Variants in ELP2 observed in about 807,000 individuals in gnomAD.
The protein encoded by ELP2 is elongator complex protein 2.
In ELP2, 90 loss-of-function variants were observed where a neutral mutation model predicts 119.2. That is an observed-to-expected ratio of 0.75 (90% CI 0.64 to 0.90). ELP2 has a LOEUF of 0.90. Among genes scored for constraint, ELP2 ranks in the 40% least tolerant of loss-of-function variants. The pLI is 0.00. For missense variants in ELP2, 921 were observed against 967.8 expected, an observed-to-expected ratio of 0.95 and a Z score of 0.64; for synonymous variants, 339 against 331.0, an observed-to-expected ratio of 1.02 and a Z score of -0.26.
chr18:36,164,674 C>T lies in ELP2; in HGVS notation c.1954+7C>T, dbSNP rs772976974. ...ACAATCTCACCTGAGTTCGGTAAAA[C>T]AGCTTCTGATTGGGAAAGTTATTAG... On this transcript the variant is annotated splice_region_variant and intron_variant, in intron 18 of 21. Coordinates refer to ENST00000358232, the MANE Select transcript of ELP2 (RefSeq NM_018255.4). 9.9e-6 allele frequency: 16 copies of T among 1,613,636 alleles called. No individual in the cohort carries two copies. Among genetic ancestry groups the T allele is most frequent in the Non-Finnish European group, 1.4e-5 (16 of 1,179,640 alleles).
intron 19 of ELP2, among the ~76,000 whole-genome samples, chr18:36,168,617 C>T (rs2090975188): frequency 6.6e-6 from 1 of 152,150 alleles, no homozygotes; most frequent in South Asian, 2.1e-4. Flanking sequence ...ATGGAGGTAA[C>T]CGCCCCCATG....
chr18:36,148,426 T>C (rs2144669329), intron 11 of ELP2, among the ~76,000 whole-genome samples: 1 of 152,250 alleles, frequency 6.6e-6, no homozygotes, highest in East Asian at 1.9e-4. Context: ...GGCCTGACCC[T>C]GAAGCCTAAT....
chr18:36,171,070 A>C lies in ELP2; in HGVS notation c.2234A>C (p.Glu745Ala). 3 of 1,613,592 alleles carry C rather than the reference A, an allele frequency of 1.9e-6. No individual in the cohort carries two copies. The highest frequency in any genetic ancestry group is 2.5e-6 in the Non-Finnish European group (3 of 1,179,450). The stretch of plus-strand genomic sequence containing the variant: ...AGATACGTGGTTGCAGTAGGATTGG[A>C]GTGTGGAAAGATTTGCTTATATACC... ...SQRYVVAVGL[E>A]CGKICLYTWK... Residue 745 changes from glutamate to alanine, a missense_variant, in exon 21 of 22, where the codon GAG becomes GCG. By Grantham distance (107) the Glu-to-Ala change is moderately radical (BLOSUM62 -1). Coordinates refer to ENST00000358232, the MANE Select transcript of ELP2 (RefSeq NM_018255.4).
intron 21 of ELP2, among the ~76,000 whole-genome samples, chr18:36,173,530 T>C (rs1205707096): frequency 6.6e-6 from 1 of 152,184 alleles, no homozygotes; most frequent in Non-Finnish European, 1.5e-5. Context: ...TATGGAAGCA[T>C]TTTCTCTAGA....
At chr18:36,138,726 A>C (rs1348078008) in intron 4 of ELP2, 69 bp from the exon 5 acceptor site, 5 of 1,300,800 alleles carry the variant, frequency 3.8e-6, no homozygotes, top group African/African-American at 1.5e-5. Flanking sequence ...TGATGATGCT[A>C]TCCAACCTGT....
chr18:36,173,000 C>T (rs2091128741), intron 21 of ELP2, among the ~76,000 whole-genome samples: 1 of 152,106 alleles, frequency 6.6e-6, no homozygotes, highest in South Asian at 2.1e-4. Context: ...CAAACACTAC[C>T]CTTTAGGTTG....
At chr18:36,134,828 A>G (rs1233055375) in intron 2 of ELP2, among the ~76,000 whole-genome samples, 1 of 152,198 alleles carries the variant, frequency 6.6e-6, no homozygotes, top group East Asian at 1.9e-4. Context: ...TATCTTAAAT[A>G]TATCTACTGT....
intron 8 of ELP2, 99 bp from the exon 9 acceptor site, chr18:36,144,840 A>T: frequency 2.1e-6 from 2 of 967,638 alleles, no homozygotes; most frequent in East Asian, 2.5e-5. Context: ...TTTTGTCCTA[A>T]TTTTTTTTTC....
chr18:36,173,827 T>C (rs1274144588), intron 21 of ELP2, among the ~76,000 whole-genome samples: 1 of 152,224 alleles, frequency 6.6e-6, no homozygotes, highest in East Asian at 1.9e-4. Flanking sequence ...GTTAAATTTA[T>C]AGAAGATGTT....
At chr18:36,150,414 A>G (rs2090358648) in intron 11 of ELP2, among the ~76,000 whole-genome samples, 1 of 152,196 alleles carries the variant, frequency 6.6e-6, no homozygotes, top group Non-Finnish European at 1.5e-5. Flanking sequence ...ACTCTTCCGG[A>G]CACTGCCATC....
chr18:36,166,319 G>GGTTT (rs2090896717), intron 18 of ELP2, among the ~76,000 whole-genome samples: 1 of 71,650 alleles, frequency 1.4e-5, no homozygotes, highest in African/African-American at 5.6e-5. Flanking sequence ...GTTTTTTAGG[G>GGTTT]TTTTTTTTTT....
At chr18:36,155,631 T>C (rs2090549625) in intron 12 of ELP2, among the ~76,000 whole-genome samples, 1 of 152,002 alleles carries the variant, frequency 6.6e-6, no homozygotes, top group African/African-American at 2.4e-5. Context: ...CTTGAACTCC[T>C]GGCCTCAAGT....
intron 18 of ELP2, among the ~76,000 whole-genome samples, chr18:36,165,595 A>T (rs2144780616): frequency 6.6e-6 from 1 of 152,322 alleles, no homozygotes; most frequent in South Asian, 2.1e-4. Flanking sequence ...TAAAAAGCTA[A>T]AGTCCACCAG....
chr18:36,170,187 C>T lies in ELP2; in HGVS notation c.2201C>T (p.Pro734Leu). ...TAVSVCPVLH[P>L]SQRYVVAVGL... ...GTCAGCGTCTGCCCAGTGCTCCACC[C>T]TTCTCAACGGTCAGTCTCTGTGTGG... is the stretch of plus-strand genomic sequence containing the variant. The change falls in exon 20 of 22, where the codon CCT becomes CTT. Residue 734 changes from proline (P) to leucine (L), a missense_variant. Physicochemically the swap from Pro to Leu is moderately conservative, Grantham distance 98. Transcript: ENST00000358232. 2.5e-6 allele frequency: 4 copies of T among 1,614,154 alleles called. No homozygotes were observed. The highest frequency in any genetic ancestry group is 3.4e-6 in the Non-Finnish European group (4 of 1,180,026).
chr18:36,152,773 A>G (rs756139688), intron 11 of ELP2, among the ~76,000 whole-genome samples: 1 of 152,168 alleles, frequency 6.6e-6, no homozygotes, highest in Non-Finnish European at 1.5e-5. Flanking sequence ...CAACCCAAAC[A>G]TGCTCTTCCA....
At chr18:36,142,561 T>C (rs1305379192) in intron 7 of ELP2, among the ~76,000 whole-genome samples, 1 of 152,226 alleles carries the variant, frequency 6.6e-6, no homozygotes, top group African/African-American at 2.4e-5. Flanking sequence ...TTAGCTGTCT[T>C]GTTCACATGC....
intron 16 of ELP2, among the ~76,000 whole-genome samples, chr18:36,160,446 G>A (rs1269090472): frequency 6.6e-6 from 1 of 151,840 alleles, no homozygotes; most frequent in Non-Finnish European, 1.5e-5. Flanking sequence ...GCATGATGAT[G>A]CATGCCTGTA....
At chr18:36,163,388 T>A (rs2090800974) in intron 17 of ELP2, among the ~76,000 whole-genome samples, 1 of 151,992 alleles carries the variant, frequency 6.6e-6, no homozygotes, top group South Asian at 2.1e-4. Context: ...CACATGTGCT[T>A]ATGTAGATAT....
intron 9 of ELP2, among the ~76,000 whole-genome samples, 155 bp from the exon 10 acceptor site, chr18:36,145,793 A>C (rs889594450): frequency 6.6e-6 from 1 of 152,184 alleles, no homozygotes; most frequent in Non-Finnish European, 1.5e-5. Context: ...CTCTTCTTCT[A>C]ATGGTAGACA....
Sources: gnomAD v4.1 joint callset for allele counts (sites outside exome capture counted in the v4.1 genomes callset) on GRCh38, gnomAD v4.1.1 for gene constraint, MANE v1.5 for transcripts, NCBI Gene and HGNC (gene_info 2026-07-23, HGNC 2026-07-21) for gene names.